Variants in TRHDE observed in about 807,000 individuals in gnomAD.
The protein encoded by TRHDE is thyrotropin releasing hormone degrading enzyme, also known as thyrotropin-releasing hormone-degrading ectoenzyme.
TRHDE carries 72 observed loss-of-function variants against 125.7 expected under a neutral mutation model. The observed-to-expected ratio is 0.57, with a 90% CI of 0.47 to 0.70. The LOEUF is 0.70. Ranked by LOEUF, TRHDE falls within the 30% of genes least tolerant of loss-of-function variation. TRHDE has a pLI of 0.00. For missense variants in TRHDE, 1,110 were observed against 1,327.1 expected (o/e 0.84, Z 2.54); for synonymous variants, 509 against 509.1 (o/e 1.00, Z 0.00).
intron 3 of TRHDE, among the ~76,000 whole-genome samples, chr12:72,397,126 A>G (rs767994295): frequency 1.6e-4 from 24 of 152,150 alleles, no homozygotes; most frequent in Non-Finnish European, 3.4e-4. Context: ...TACCTTTTTC[A>G]TTTTCGTAAA....
At chr12:72,648,726 C>A (rs1373410885) in intron 15 of TRHDE, among the ~76,000 whole-genome samples, 1 of 151,826 alleles carries the variant, frequency 6.6e-6, no homozygotes, top group Non-Finnish European at 1.5e-5. Flanking sequence ...GTGGGAGGAT[C>A]ACTTGAGGCC....
At chr12:72,249,398 A>G (rs1223780108) in intron 2 of TRHDE, among the ~76,000 whole-genome samples, 1 of 152,180 alleles carries the variant, frequency 6.6e-6, no homozygotes, top group Non-Finnish European at 1.5e-5. Context: ...ACAAAAGAAA[A>G]TATATGAGCT....
chr12:72,465,481 C>T (rs1310096025), intron 3 of TRHDE, among the ~76,000 whole-genome samples: 2 of 152,104 alleles, frequency 1.3e-5, no homozygotes, highest in African/African-American at 4.8e-5. Flanking sequence ...GTAGATATAG[C>T]TTTCTTCTTT....
In TRHDE at chr12:72,272,778, G is replaced by C. The variant is rs753572797; in HGVS notation, c.135G>C (p.Ala45=). 3.2e-6 allele frequency: 5 copies of C among 1,553,416 alleles called. No homozygotes were observed. The highest frequency in any genetic ancestry group is 1.2e-5 in the South Asian group (1 of 85,742). Residue 45 remains alanine (A), a synonymous_variant, in exon 1 of 19, where the codon GCG becomes GCC. Coordinates refer to ENST00000261180, the MANE Select transcript of TRHDE (RefSeq NM_013381.3). This position sits in a 1 kb window ranked among gnomAD's most constrained non-coding sequence, Gnocchi z 6.7. ...AEKSSSPFAA[A]MGEDDAALRA... ...AGAGCAGCTCACCCTTCGCAGCCGC[G>C]ATGGGGGAAGACGACGCCGCGCTTC...
intron 6 of TRHDE, among the ~76,000 whole-genome samples, chr12:72,512,680 A>AT (rs1175860523): frequency 1.4e-5 from 2 of 145,794 alleles, no homozygotes; most frequent in Non-Finnish European, 3.0e-5. Context: ...GGTAATATAG[A>AT]TTTTTTATAG....
rs1287703188 is a variant in TRHDE at position 72,147,083 on chromosome 12, G to A, written n.279+41331G>A. On this transcript the variant is annotated intron_variant and non_coding_transcript_variant, in intron 2 of 4. Coordinates refer to the TRHDE transcript ENST00000548156. ...TCCGCCATCGCTGGTGTGGTGGTCTGCTCTGGAGCTTGGGGTTCGGGGTTT... is the reference window on the plus strand; with the variant it reads ...TCCGCCATCGCTGGTGTGGTGGTCTACTCTGGAGCTTGGGGTTCGGGGTTT... 2.6e-5 allele frequency among the ~76,000 whole-genome samples: 4 copies of A among 152,048 alleles called. No homozygotes were observed. In the East Asian group the frequency reaches 7.7e-4, roughly 29 times the overall value.
intron 5 of TRHDE, among the ~76,000 whole-genome samples, chr12:72,494,434 C>T (rs1380622118): frequency 1.3e-5 from 2 of 152,022 alleles, no homozygotes; most frequent in Non-Finnish European, 2.9e-5. Context: ...TTTGATGTAT[C>T]TGACTTTCTT....
intron 15 of TRHDE, among the ~76,000 whole-genome samples, chr12:72,645,924 CA>C (rs1425402081): frequency 6.6e-6 from 1 of 152,000 alleles, no homozygotes. Context: ...AAATAAAAGC[CA>C]AGTGAGGTCA....
chr12:72,248,896 A>G (rs1878627811), intron 2 of TRHDE, among the ~76,000 whole-genome samples: 1 of 152,202 alleles, frequency 6.6e-6, no homozygotes. Flanking sequence ...ATAGATCTTA[A>G]TGTTCTTATT....
chr12:72,399,676 C>T (rs1293847973), intron 3 of TRHDE, among the ~76,000 whole-genome samples: 1 of 151,990 alleles, frequency 6.6e-6, no homozygotes. Context: ...CATATAAGCT[C>T]AAAAATAACT....
chr12:72,597,684 A>T (rs1283367395), intron 12 of TRHDE, among the ~76,000 whole-genome samples: 1 of 118,796 alleles, frequency 8.4e-6, no homozygotes, highest in African/African-American at 3.1e-5. Context: ...AAAAAAAACT[A>T]AGAGAGGTAT....
At chr12:72,325,135 C>T (rs12820426) in intron 2 of TRHDE, among the ~76,000 whole-genome samples, 52,550 of 150,846 alleles carry the variant, frequency 0.35, 9,772 homozygotes, top group Non-Finnish European at 0.43. Context: ...TTGACAAAAA[C>T]ATTGCCCACA....
chr12:72,492,437 T>C (rs1385445091), intron 5 of TRHDE, among the ~76,000 whole-genome samples: 1 of 151,986 alleles, frequency 6.6e-6, no homozygotes, highest in Non-Finnish European at 1.5e-5. Flanking sequence ...ATTTGAAGTC[T>C]ACATAATTTC....
chr12:72,179,953 A>G (rs532581690), intron 2 of TRHDE, among the ~76,000 whole-genome samples: 8 of 152,182 alleles, frequency 5.3e-5, no homozygotes, highest in Non-Finnish European at 8.8e-5. Context: ...TTACTTTATA[A>G]TAAGTTGTGC....
chr12:72,397,241 G>GT (rs1872834619), intron 3 of TRHDE, among the ~76,000 whole-genome samples: 1 of 152,056 alleles, frequency 6.6e-6, no homozygotes, highest in African/African-American at 2.4e-5. Flanking sequence ...AATCCTACAG[G>GT]TTTTTGCCTT....
intron 2 of TRHDE, among the ~76,000 whole-genome samples, chr12:72,233,350 G>A (rs1878282779): frequency 1.3e-5 from 2 of 152,056 alleles, no homozygotes; most frequent in South Asian, 2.1e-4. Context: ...TTCTCAAGGG[G>A]GGCAGAAAGG....
intron 6 of TRHDE, among the ~76,000 whole-genome samples, chr12:72,527,650 T>A (rs1868360772): frequency 6.6e-6 from 1 of 151,750 alleles, no homozygotes; most frequent in Non-Finnish European, 1.5e-5. Flanking sequence ...AGAGACAGAT[T>A]CAAGAAAATA....
At chr12:72,611,084 T>C in intron 12 of TRHDE, 1 of 170,178 alleles carries the variant, frequency 5.9e-6, no homozygotes, top group Middle Eastern at 3.1e-3. Context: ...AGCAGCTGGC[T>C]AGACTGGAGG....
At chr12:72,521,413 G>A (rs1486294187) in intron 6 of TRHDE, among the ~76,000 whole-genome samples, 1 of 152,176 alleles carries the variant, frequency 6.6e-6, no homozygotes, top group East Asian at 1.9e-4. Context: ...GGAGCTCAGA[G>A]ACCCTGAGTG....
Sources: allele counts gnomAD v4.1 joint callset (sites outside exome capture counted in the v4.1 genomes callset), GRCh38; gene constraint gnomAD v4.1.1; non-coding constraint Gnocchi (gnomAD v3.1); transcripts MANE v1.5; gene names NCBI Gene and HGNC (gene_info 2026-07-23, HGNC 2026-07-21).